The following CNTNAP2 variants were observed in gnomAD, a reference collection of about 807,000 sequenced individuals.
The protein encoded by CNTNAP2 is contactin-associated protein-like 2.
CNTNAP2 carries 98 observed loss-of-function variants against 155.2 expected under a neutral mutation model. That is an observed-to-expected ratio of 0.63 (90% CI 0.54 to 0.75). The LOEUF is 0.75. Among genes scored for constraint, CNTNAP2 ranks in the 30% least tolerant of loss-of-function variants. CNTNAP2 has a pLI of 0.00. For synonymous variants in CNTNAP2, 651 were observed against 631.2 expected (o/e 1.03, Z -0.47); for missense variants, 1,727 against 1,688.1 (o/e 1.02, Z -0.40).
chr7:147,609,597 A>T (rs1396763493), intron 12 of CNTNAP2, among the ~76,000 whole-genome samples: 1 of 152,020 alleles, frequency 6.6e-6, no homozygotes, highest in Non-Finnish European at 1.5e-5. Flanking sequence ...AACATCACAA[A>T]GGAGGAAATT....
At chr7:148,062,821 A>T (rs756666346) in intron 15 of CNTNAP2, among the ~76,000 whole-genome samples, 24 of 152,280 alleles carry the variant, frequency 1.6e-4, no homozygotes, top group South Asian at 4.1e-4. Flanking sequence ...GAGCTTAATG[A>T]AATAAAACTT....
rs13247302 is a variant in CNTNAP2, at chr7:146,813,568, A to G, written c.209-26143A>G. Among the ~76,000 whole-genome samples the G allele has an allele frequency of 3.1e-3, 475 of 152,166 alleles. 2 individuals carry two copies. Among genetic ancestry groups the G allele is most frequent in the Non-Finnish European group, 5.6e-3 (381 of 67,998 alleles). On this transcript the variant is annotated intron_variant, in intron 2 of 23. Transcript: ENST00000361727. Reference sequence around the variant, plus strand: ...CTAGAAAGTAACTAACTTGTTTTTGATTTTACAGGCTTATAGGTGGAAGGG... The same window carrying G: ...CTAGAAAGTAACTAACTTGTTTTTGGTTTTACAGGCTTATAGGTGGAAGGG...
intron 1 of CNTNAP2, among the ~76,000 whole-genome samples, chr7:146,488,008 T>C (rs925032113): frequency 1.3e-5 from 2 of 152,180 alleles, no homozygotes; most frequent in Non-Finnish European, 2.9e-5. Context: ...AAAAGACTAA[T>C]GGCTAAAACC....
rs2692173 is a variant in CNTNAP2, at chr7:147,309,963, C to T, written c.1498+9673C>T. 2.6e-5 allele frequency among the ~76,000 whole-genome samples: 4 copies of T among 151,722 alleles called. No individual in the cohort carries two copies. In the South Asian group the frequency reaches 6.2e-4, roughly 24 times the overall value. ...ATCTAATTCCCAAAGAACTTTCAGG[C>T]TTTTTTTATTTGTTTACCAATTATA... On this transcript the variant is annotated intron_variant, in intron 9 of 23. Transcript: ENST00000361727.
intron 15 of CNTNAP2, among the ~76,000 whole-genome samples, chr7:148,018,831 T>C (rs1038548084): frequency 2.0e-5 from 3 of 152,178 alleles, no homozygotes; most frequent in Admixed American, 6.5e-5. Context: ...TCTCACAAGG[T>C]TTTTTGTTTG....
At chr7:147,841,767 C>T (rs140005231) in intron 13 of CNTNAP2, among the ~76,000 whole-genome samples, 63 of 152,202 alleles carry the variant, frequency 4.1e-4, no homozygotes, top group Middle Eastern at 3.4e-3. Flanking sequence ...AGTATTTATA[C>T]ATAAATATAA....
intron 1 of CNTNAP2, among the ~76,000 whole-genome samples, chr7:146,645,440 C>T (rs1425088310): frequency 8.5e-5 from 13 of 152,132 alleles, no homozygotes; most frequent in Non-Finnish European, 4.4e-5. Flanking sequence ...ACCCCCTGGC[C>T]ACAGTGCCAG....
At chr7:146,345,591 CCA>C (rs1449881648) in intron 1 of CNTNAP2, among the ~76,000 whole-genome samples, 1 of 152,162 alleles carries the variant, frequency 6.6e-6, no homozygotes, top group Non-Finnish European at 1.5e-5. Context: ...GCCCAAACTG[CCA>C]CACACTTTGT....
chr7:147,203,726 A>G (rs754113596), intron 8 of CNTNAP2, among the ~76,000 whole-genome samples: 1 of 152,198 alleles, frequency 6.6e-6, no homozygotes, highest in African/African-American at 2.4e-5. Context: ...AAACAAAAAC[A>G]GAAAAAAATA....
rs1299513025 is a variant in CNTNAP2 at position 147,395,635 on chromosome 7, A to G, written c.1525A>G (p.Ser509Gly). Residue 509 changes from serine to glycine, a missense_variant, in exon 10 of 24, where the codon AGT (serine) becomes GGT (glycine). Coordinates refer to ENST00000361727, the MANE Select transcript of CNTNAP2 (RefSeq NM_014141.6). ...GGFLNQMNNS[S>G]HSVLQPSFQG... ...TTTTCTGAACCAGATGAATAACTCA[A>G]GTCACTCTGTCCTTCAGCCTTCATT... is the stretch of plus-strand genomic sequence containing the variant. 6.2e-7 allele frequency: 1 copy of G among 1,612,326 alleles called. No individual in the cohort carries two copies. Among genetic ancestry groups the G allele is most frequent in the Non-Finnish European group, 8.5e-7 (1 of 1,178,626 alleles).
chr7:147,106,613 C>A (rs1446363361), intron 4 of CNTNAP2, among the ~76,000 whole-genome samples: 1 of 151,948 alleles, frequency 6.6e-6, no homozygotes, highest in African/African-American at 2.4e-5. Context: ...TAACATTGTA[C>A]AAACTTATTT....
At chr7:147,164,956 C>T (rs1188095149) in intron 8 of CNTNAP2, among the ~76,000 whole-genome samples, 1 of 152,142 alleles carries the variant, frequency 6.6e-6, no homozygotes, top group Non-Finnish European at 1.5e-5. Flanking sequence ...AATTTCATTA[C>T]CTGAAACACT....
At chr7:147,461,633 C>G (rs7796057) in intron 10 of CNTNAP2, among the ~76,000 whole-genome samples, 118,975 of 152,114 alleles carry the variant, frequency 0.78, 46,888 homozygotes, top group African/African-American at 0.88. Flanking sequence ...GCTTTGGGGG[C>G]ATTCTGAAAT....
intron 1 of CNTNAP2, among the ~76,000 whole-genome samples, chr7:146,456,890 G>C (rs1172354349): frequency 6.6e-6 from 1 of 152,142 alleles, no homozygotes; most frequent in African/African-American, 2.4e-5. Flanking sequence ...TTAGTATAAA[G>C]AAATTGGTAG....
chr7:147,509,844 G>A (rs1798983725), intron 11 of CNTNAP2, among the ~76,000 whole-genome samples: 2 of 152,018 alleles, frequency 1.3e-5, no homozygotes, highest in Non-Finnish European at 2.9e-5. Context: ...TAATTCCTGG[G>A]TACTTCTGGG....
chr7:147,703,813 A>T lies in CNTNAP2; in HGVS notation c.2098+64507A>T, dbSNP rs904214667. 2.0e-5 allele frequency among the ~76,000 whole-genome samples: 3 copies of T among 152,058 alleles called. No homozygotes were observed. The South Asian group carries it at 6.2e-4, about 31-fold the overall frequency. ...ATTAGCATTTATTCCTTCTACCTAA[A>T]TGTATGTTTGCACTCTTTACCCAAC... On this transcript the variant is annotated intron_variant, in intron 13 of 23. Coordinates refer to ENST00000361727, the MANE Select transcript of CNTNAP2 (RefSeq NM_014141.6).
chr7:146,408,867 A>G (rs534356636), intron 1 of CNTNAP2, among the ~76,000 whole-genome samples: 1 of 152,196 alleles, frequency 6.6e-6, no homozygotes, highest in South Asian at 2.1e-4. Flanking sequence ...AAAAAGAATC[A>G]AGAAAAGAGA....
intron 5 of CNTNAP2, 117 bp from the exon 6 acceptor site, chr7:147,120,862 A>G (rs1415383926): frequency 4.3e-6 from 4 of 940,054 alleles, no homozygotes; most frequent in African/African-American, 3.2e-5. Flanking sequence ...GTTAACTCGA[A>G]TGGATAGAGC....
chr7:146,682,798 TAAGG>T (rs775349913), intron 1 of CNTNAP2, among the ~76,000 whole-genome samples: 15 of 152,160 alleles, frequency 9.9e-5, no homozygotes, highest in African/African-American at 1.7e-4. Context: ...GGTTAATAGA[TAAGG>T]AAGAAAAATT....
Sources: gnomAD v4.1 joint callset for allele counts (sites outside exome capture counted in the v4.1 genomes callset) on GRCh38, gnomAD v4.1.1 for gene constraint, MANE v1.5 for transcripts, NCBI Gene and HGNC (gene_info 2026-07-23, HGNC 2026-07-21) for gene names.